GSE1: variants seen among roughly 807,000 people sequenced by gnomAD.
GSE1 encodes the protein genetic suppressor element 1.
GSE1 carries 32 observed loss-of-function variants against 112.6 expected under a neutral mutation model. The ratio of observed to expected loss-of-function variants is 0.28; its 90% CI spans 0.21 to 0.38. The LOEUF (loss-of-function observed/expected upper bound fraction) is 0.38. Among genes scored for constraint, GSE1 ranks in the 10% least tolerant of loss-of-function variants. GSE1 has a pLI of 1.00. For missense variants in GSE1, 2,348 were observed against 1,699.2 expected (o/e 1.38, Z -6.71); for synonymous variants, 1,115 against 735.6 (o/e 1.52, Z -8.35).
chr16:85,252,601 C>T (rs889510635), intron 1 of GSE1, among the ~76,000 whole-genome samples: 6 of 152,200 alleles, frequency 3.9e-5, no homozygotes, highest in African/African-American at 7.2e-5. Flanking sequence ...GATCCTCCTT[C>T]GGGGGTTTGT....
At chr16:85,639,477 C>A (rs1297689590) in intron 2 of GSE1, among the ~76,000 whole-genome samples, 1 of 146,624 alleles carries the variant, frequency 6.8e-6, no homozygotes, top group Non-Finnish European at 1.5e-5. Context: ...GATTCTGACT[C>A]CCCTCTAAGC....
chr16:85,245,638 C>G (rs1905561713), intron 1 of GSE1, among the ~76,000 whole-genome samples: 1 of 152,224 alleles, frequency 6.6e-6, no homozygotes, highest in Non-Finnish European at 1.5e-5. Context: ...AACGTTTTAA[C>G]TCTTAAAATA....
rs191855733 is a variant in GSE1, at chr16:85,533,508, G to A, written c.2465-100406G>A. 2.6e-4 allele frequency among the ~76,000 whole-genome samples: 39 copies of A among 152,238 alleles called. No individual in the cohort carries two copies. The East Asian group carries it at 6.2e-3, about 24-fold the overall frequency. On this transcript the variant is annotated intron_variant, in intron 2 of 2. Coordinates refer to the GSE1 transcript ENST00000637419. ...TCTTTAACATGTAGTACCTAAAAAT[G>A]ACTCAAATAAATATGCATATGTTGG...
chr16:85,360,293 G>A (rs2047036509), intron 2 of GSE1, among the ~76,000 whole-genome samples: 2 of 152,082 alleles, frequency 1.3e-5, no homozygotes, highest in Admixed American at 1.3e-4. Flanking sequence ...AGGGTGCAGA[G>A]GTTGTGGGGG....
intron 1 of GSE1, among the ~76,000 whole-genome samples, chr16:85,205,901 C>CA (rs1371177827): frequency 6.6e-6 from 1 of 152,244 alleles, no homozygotes; most frequent in Non-Finnish European, 1.5e-5. Context: ...TGAGTGCCGT[C>CA]ACGTGCCTGC....
At chr16:85,221,569 A>G (rs1333693065) in intron 1 of GSE1, among the ~76,000 whole-genome samples, 4 of 152,110 alleles carry the variant, frequency 2.6e-5, no homozygotes, top group South Asian at 4.1e-4. Context: ...TCCCTAAACC[A>G]GGCACCACCC....
intron 2 of GSE1, among the ~76,000 whole-genome samples, chr16:85,504,290 G>A (rs2051465067): frequency 1.3e-5 from 2 of 152,236 alleles, no homozygotes; most frequent in Non-Finnish European, 2.9e-5. Context: ...AGCCTATTGT[G>A]AGCAGGTGGG....
intron 2 of GSE1, among the ~76,000 whole-genome samples, chr16:85,520,346 G>A (rs960555712): frequency 4.0e-5 from 6 of 151,852 alleles, no homozygotes; most frequent in East Asian, 1.9e-4. Context: ...AATTGGAGGC[G>A]GGGACACAAA....
intron 2 of GSE1, among the ~76,000 whole-genome samples, chr16:85,363,971 A>G (rs1016413847): frequency 3.3e-5 from 5 of 152,182 alleles, no homozygotes; most frequent in Non-Finnish European, 7.3e-5. Flanking sequence ...TTTGTTTCCC[A>G]TGGCTGCTGT....
At chr16:85,580,718 A>T (rs529632846) in intron 1 of GSE1, among the ~76,000 whole-genome samples, 31 of 152,288 alleles carry the variant, frequency 2.0e-4, no homozygotes, top group Admixed American at 1.6e-3. Flanking sequence ...GGAAATAGTT[A>T]TGGTTAAGTG....
chr16:85,549,401 C>T (rs1464703602), intron 2 of GSE1, among the ~76,000 whole-genome samples: 1 of 152,094 alleles, frequency 6.6e-6, no homozygotes, highest in Non-Finnish European at 1.5e-5. Context: ...GGTCTTGGAA[C>T]TCCTGGGCTC....
chr16:85,420,769 T>C (rs2048822215), intron 2 of GSE1, among the ~76,000 whole-genome samples: 1 of 152,080 alleles, frequency 6.6e-6, no homozygotes, highest in African/African-American at 2.4e-5. Flanking sequence ...TGGCTTCCTC[T>C]CGCCCTGGGT....
At chr16:85,184,816 C>A (rs1251458136) in intron 1 of GSE1, among the ~76,000 whole-genome samples, 1 of 152,116 alleles carries the variant, frequency 6.6e-6, no homozygotes, top group Non-Finnish European at 1.5e-5. Flanking sequence ...AGAGAAGGTA[C>A]TCTGTATGGC....
chr16:85,179,562 G>T (rs1166377253), intron 1 of GSE1, among the ~76,000 whole-genome samples: 1 of 152,150 alleles, frequency 6.6e-6, no homozygotes, highest in Non-Finnish European at 1.5e-5. Flanking sequence ...ACCCTCTGAG[G>T]ACTGTTTTCC....
chr16:85,542,067 A>AGGGT (rs2044538440), intron 2 of GSE1, among the ~76,000 whole-genome samples: 1 of 151,994 alleles, frequency 6.6e-6, no homozygotes, highest in Admixed American at 6.5e-5. Context: ...CTCTGCCTTC[A>AGGGT]GCTGCCCTGC....
intron 2 of GSE1, among the ~76,000 whole-genome samples, chr16:85,519,041 A>G (rs1415770453): frequency 6.6e-6 from 1 of 152,200 alleles, no homozygotes; most frequent in African/African-American, 2.4e-5. Flanking sequence ...ATGGCTGCAG[A>G]TCACTTTGCA....
intron 2 of GSE1, among the ~76,000 whole-genome samples, chr16:85,452,748 G>C (rs1383862349): frequency 6.6e-6 from 1 of 152,274 alleles, no homozygotes; most frequent in Non-Finnish European, 1.5e-5. Context: ...GAGACCCCTG[G>C]TGGGCGGTGC....
chr16:85,549,745 C>G (rs2044837364), intron 2 of GSE1, among the ~76,000 whole-genome samples: 1 of 152,222 alleles, frequency 6.6e-6, no homozygotes, highest in African/African-American at 2.4e-5. Context: ...GGTCCAGGGA[C>G]CTAAGGACTA....
At chr16:85,367,927 G>A (rs943627746) in intron 2 of GSE1, among the ~76,000 whole-genome samples, 1 of 141,152 alleles carries the variant, frequency 7.1e-6, no homozygotes, top group Non-Finnish European at 1.5e-5. Flanking sequence ...TCGGCTCACT[G>A]CAACCTCTGC....
Sources: allele counts gnomAD v4.1 joint callset (sites outside exome capture counted in the v4.1 genomes callset), GRCh38; gene constraint gnomAD v4.1.1; transcripts MANE v1.5; gene names NCBI Gene and HGNC (gene_info 2026-07-23, HGNC 2026-07-21).